The following HHAT variants were observed in gnomAD, a reference collection of about 807,000 sequenced individuals.
HHAT encodes hedgehog acyltransferase, also known as protein-cysteine N-palmitoyltransferase HHAT.
In HHAT, 47 loss-of-function variants were observed where a neutral mutation model predicts 70.8. The ratio of observed to expected loss-of-function variants is 0.66; its 90% CI spans 0.53 to 0.85. The LOEUF is 0.85. Among genes scored for constraint, HHAT ranks in the 40% least tolerant of loss-of-function variants. The pLI is 0.00. For missense variants in HHAT, 609 were observed against 604.8 expected, an observed-to-expected ratio of 1.01 and a Z score of -0.07; for synonymous variants, 228 against 247.6, an observed-to-expected ratio of 0.92 and a Z score of 0.74.
rs71146220 is a variant in HHAT, at chr1:210,354,195, C to CTTTTTTT, written c.91+5150_91+5156dup. ...ACAAATAGATAACTAAACATAATGT[C>CTTTTTTT]TTTTTTTTTTTTTTTTTTTTTTTTT... On this transcript the variant is annotated intron_variant, in intron 2 of 11. Transcript: ENST00000261458. Among the ~76,000 whole-genome samples the CTTTTTTT allele has an allele frequency of 1.9e-5, 2 of 102,596 alleles. 1 individual carries two copies. Among genetic ancestry groups the CTTTTTTT allele is most frequent in the African/African-American group, 8.4e-5 (2 of 23,816 alleles). The allele number at this position is 102,596 out of a possible 152,430, so 67.3% of individuals were successfully genotyped here.
rs146146533 is a variant in HHAT at position 210,609,758 on chromosome 1, C to T, written c.1246-13768C>T. On this transcript the variant is annotated intron_variant, in intron 10 of 11. Transcript: ENST00000261458. ...GCTCCCACTTATAAGTGAGAACATG[C>T]GGTGCTTGGTTTTCTGTTCCTGCAT... is the stretch of plus-strand genomic sequence containing the variant. Among the ~76,000 whole-genome samples the T allele has an allele frequency of 3.9e-3, 591 of 152,212 alleles. 4 individuals carry two copies. The highest frequency in any genetic ancestry group is 0.014 in the African/African-American group (568 of 41,542).
At chr1:210,437,478 T>C (rs1038959023) in intron 7 of HHAT, among the ~76,000 whole-genome samples, 1 of 151,710 alleles carries the variant, frequency 6.6e-6, no homozygotes, top group Non-Finnish European at 1.5e-5. Context: ...TACCAGAATA[T>C]GGAAGGTCAT....
At chr1:210,406,744 C>T (rs185205422) in intron 6 of HHAT, among the ~76,000 whole-genome samples, 1 of 152,130 alleles carries the variant, frequency 6.6e-6, no homozygotes, top group African/African-American at 2.4e-5. Flanking sequence ...TAGCAGGGTC[C>T]TGTGTCACAC....
intron 8 of HHAT, among the ~76,000 whole-genome samples, chr1:210,505,198 C>T (rs1012629744): frequency 1.3e-5 from 2 of 152,130 alleles, no homozygotes; most frequent in Non-Finnish European, 2.9e-5. Context: ...CATGCCTGGC[C>T]CAACTTTTTA....
At chr1:210,584,660 G>A (rs1244460217) in intron 9 of HHAT, among the ~76,000 whole-genome samples, 1 of 152,064 alleles carries the variant, frequency 6.6e-6, no homozygotes, top group Non-Finnish European at 1.5e-5. Context: ...CCTTCTCTTT[G>A]CCTAGCAAAA....
intron 7 of HHAT, among the ~76,000 whole-genome samples, chr1:210,421,741 G>C (rs2092910721): frequency 6.6e-6 from 1 of 152,092 alleles, no homozygotes; most frequent in South Asian, 2.1e-4. Context: ...CACTGTGCCT[G>C]GCCTGGTATA....
chr1:210,656,514 T>G (rs2148948872), intron 11 of HHAT, among the ~76,000 whole-genome samples: 1 of 152,272 alleles, frequency 6.6e-6, no homozygotes, highest in South Asian at 2.1e-4. Flanking sequence ...GCTCATCCCC[T>G]GCTCCCCAGT....
At chr1:210,338,184 T>TAA (rs10718306) in intron 1 of HHAT, among the ~76,000 whole-genome samples, 20 of 149,936 alleles carry the variant, frequency 1.3e-4, no homozygotes, top group South Asian at 8.4e-4. Flanking sequence ...CGCCCCCATT[T>TAA]AAAAAAAAAA....
chr1:210,445,273 C>T (rs1051616497), intron 7 of HHAT, among the ~76,000 whole-genome samples: 1 of 152,144 alleles, frequency 6.6e-6, no homozygotes, highest in African/African-American at 2.4e-5. Flanking sequence ...GCATTTTGTC[C>T]AGATAATCTA....
chr1:210,437,072 T>C (rs927151553), intron 7 of HHAT, among the ~76,000 whole-genome samples: 17 of 151,894 alleles, frequency 1.1e-4, no homozygotes, highest in Non-Finnish European at 2.1e-4. Flanking sequence ...CTTTGAATAC[T>C]GACTCTACAT....
At chr1:210,486,270 C>A (rs968213031) in intron 8 of HHAT, among the ~76,000 whole-genome samples, 1 of 152,046 alleles carries the variant, frequency 6.6e-6, no homozygotes, top group African/African-American at 2.4e-5. Context: ...AGTATTCTCA[C>A]AAAAAGGAAA....
At chr1:210,531,065 A>G (rs2095309849) in intron 9 of HHAT, among the ~76,000 whole-genome samples, 1 of 152,222 alleles carries the variant, frequency 6.6e-6, no homozygotes. Context: ...TACTGCACAC[A>G]TAGGCTTTAT....
intron 7 of HHAT, among the ~76,000 whole-genome samples, chr1:210,431,945 G>C (rs11119495): frequency 0.13 from 19,544 of 151,802 alleles, 1,677 homozygotes; most frequent in East Asian, 0.39. Context: ...TGTTTTATTC[G>C]ACTCTTAAAA....
At chr1:210,398,059 C>T (rs1482179097) in intron 4 of HHAT, among the ~76,000 whole-genome samples, 3 of 152,240 alleles carry the variant, frequency 2.0e-5, no homozygotes, top group East Asian at 1.9e-4. Context: ...AGCGCAATGG[C>T]GCGATCTTGG....
rs186156665 is a variant in HHAT, at chr1:210,635,404, G to A, written c.1390+11734G>A. 2.3e-3 allele frequency among the ~76,000 whole-genome samples: 345 copies of A among 152,266 alleles called. 2 individuals are homozygous for A. The highest frequency in any genetic ancestry group is 3.8e-3 in the Admixed American group (58 of 15,296). On this transcript the variant is annotated intron_variant, in intron 11 of 11. Transcript: ENST00000261458. Reference sequence around the variant, plus strand: ...GCACTTCATCCTTAGTAGGCTGAGAGAGGCAGGAACTACAAGGATTTTTGC... The same window carrying A: ...GCACTTCATCCTTAGTAGGCTGAGAAAGGCAGGAACTACAAGGATTTTTGC...
At chr1:210,572,920 A>T (rs1223162974) in intron 9 of HHAT, among the ~76,000 whole-genome samples, 1 of 152,166 alleles carries the variant, frequency 6.6e-6, no homozygotes, top group Non-Finnish European at 1.5e-5. Context: ...TGCATTTTGC[A>T]GTTGCCTGTG....
chr1:210,350,028 G>T (rs890665794), intron 2 of HHAT, among the ~76,000 whole-genome samples: 3 of 152,140 alleles, frequency 2.0e-5, no homozygotes, highest in African/African-American at 7.2e-5. Context: ...AAAATGGGAG[G>T]TGTCTATTCT....
chr1:210,356,338 A>G (rs11119467), intron 2 of HHAT, among the ~76,000 whole-genome samples: 2 of 152,208 alleles, frequency 1.3e-5, no homozygotes, highest in African/African-American at 4.8e-5. Flanking sequence ...ACATTTTTAT[A>G]AATGAAATTG....
chr1:210,364,016 T>C (rs1320139058), intron 3 of HHAT, among the ~76,000 whole-genome samples: 1 of 152,236 alleles, frequency 6.6e-6, no homozygotes, highest in Admixed American at 6.5e-5. Context: ...CATTTTGATT[T>C]GCTAGGGTAG....
Sources: allele counts gnomAD v4.1 joint callset (sites outside exome capture counted in the v4.1 genomes callset), GRCh38; gene constraint gnomAD v4.1.1; transcripts MANE v1.5; gene names NCBI Gene and HGNC (gene_info 2026-07-23, HGNC 2026-07-21).